The following SHROOM3 variants were observed in gnomAD, a reference collection of about 807,000 sequenced individuals.
SHROOM3 encodes the protein protein Shroom3.
A neutral mutation model predicts 138.6 loss-of-function variants in SHROOM3; 47 were observed. That is an observed-to-expected ratio of 0.34 (90% CI 0.27 to 0.43). SHROOM3 has a LOEUF of 0.43. SHROOM3 is among the 20% of genes least tolerant of loss of function. SHROOM3 has a pLI of 1.00. For missense variants in SHROOM3, 2,491 were observed against 2,596.5 expected, an observed-to-expected ratio of 0.96 and a Z score of 0.88; for synonymous variants, 1,062 against 1,063.3, an observed-to-expected ratio of 1.00 and a Z score of 0.02.
intron 1 of SHROOM3, among the ~76,000 whole-genome samples, chr4:76,518,435 G>C (rs528579759): frequency 6.6e-6 from 1 of 151,912 alleles, no homozygotes; most frequent in Non-Finnish European, 1.5e-5. Flanking sequence ...TAATGGACAG[G>C]GTTTTATTTC....
rs75526884 is a variant in SHROOM3 at position 76,652,405 on chromosome 4, C to T, written c.324-57751C>T. On this transcript the variant is annotated intron_variant, in intron 2 of 10. Transcript: ENST00000296043. ...TGGTGGCGGCTTTAGAACTTGTGTC[C>T]TGATTCTGATGTCTCTAGGCAGCCT... Among the ~76,000 whole-genome samples, 1,159 of 152,212 alleles carry T rather than the reference C, an allele frequency of 7.6e-3. 10 individuals are homozygous for T. The highest frequency in any genetic ancestry group is 0.023 in the African/African-American group (964 of 41,546).
intron 2 of SHROOM3, among the ~76,000 whole-genome samples, chr4:76,702,599 T>A (rs1422288104): frequency 6.6e-6 from 1 of 152,208 alleles, no homozygotes; most frequent in Non-Finnish European, 1.5e-5. Context: ...CCCAGGCAGC[T>A]GGCTCCGGAA....
At chr4:76,608,626 TATAGC>T (rs1303852174) in intron 2 of SHROOM3, among the ~76,000 whole-genome samples, 43 of 100,890 alleles carry the variant, frequency 4.3e-4, no homozygotes, top group African/African-American at 1.8e-3. Context: ...ACAGAGATGG[TATAGC>T]ATAGCATAGC....
chr4:76,465,277 A>C (rs1001519478), intron 1 of SHROOM3, among the ~76,000 whole-genome samples: 1 of 152,192 alleles, frequency 6.6e-6, no homozygotes, highest in Non-Finnish European at 1.5e-5. Context: ...CACTGCTCAG[A>C]TGTTACTTCA....
rs200426212 is a variant in SHROOM3 at position 76,710,294 on chromosome 4, C to T, written c.455+7C>T. The stretch of plus-strand genomic sequence containing the variant: ...AACTTCGGCTGAAGCACAGGTAAGA[C>T]GCACGGAAGTTGGTGCTGGCAGTTC... On this transcript the variant is annotated splice_region_variant and intron_variant, in intron 3 of 10. Coordinates refer to ENST00000296043, the MANE Select transcript of SHROOM3 (RefSeq NM_020859.4). The T allele has an allele frequency of 8.2e-5, 133 of 1,613,742 alleles. No individual in the cohort carries two copies. Among genetic ancestry groups the T allele is most frequent in the Non-Finnish European group, 9.7e-5 (115 of 1,179,860 alleles).
chr4:76,747,035 A>G (rs1721462120), intron 5 of SHROOM3, among the ~76,000 whole-genome samples: 1 of 151,820 alleles, frequency 6.6e-6, no homozygotes, highest in Non-Finnish European at 1.5e-5. Flanking sequence ...AGCCAGGATG[A>G]TCTCGATCTC....
intron 2 of SHROOM3, among the ~76,000 whole-genome samples, chr4:76,562,606 G>A (rs967396736): frequency 5.9e-5 from 9 of 152,172 alleles, no homozygotes; most frequent in Non-Finnish European, 1.2e-4. Flanking sequence ...CATGGTTACA[G>A]TTTATAAAAG....
intron 2 of SHROOM3, among the ~76,000 whole-genome samples, chr4:76,686,051 A>G (rs1317551837): frequency 1.3e-5 from 2 of 152,168 alleles, no homozygotes; most frequent in African/African-American, 4.8e-5. Context: ...TCTGTTGCTC[A>G]CACTGGAGTG....
chr4:76,714,828 A>T (rs1720326350), intron 3 of SHROOM3, among the ~76,000 whole-genome samples: 1 of 151,726 alleles, frequency 6.6e-6, no homozygotes, highest in African/African-American at 2.4e-5. Flanking sequence ...GTCAGTAAGG[A>T]CTCTTCCATA....
At chr4:76,620,862 CTT>C (rs1404413281) in intron 2 of SHROOM3, among the ~76,000 whole-genome samples, 4 of 152,120 alleles carry the variant, frequency 2.6e-5, no homozygotes, top group Non-Finnish European at 4.4e-5. Flanking sequence ...TTTAATGACT[CTT>C]TTAAATCATT....
chr4:76,490,812 A>G (rs1731833816), intron 1 of SHROOM3, among the ~76,000 whole-genome samples: 1 of 152,222 alleles, frequency 6.6e-6, no homozygotes, highest in African/African-American at 2.4e-5. Flanking sequence ...CAACTTATTG[A>G]CACCATGTGT....
intron 6 of SHROOM3, among the ~76,000 whole-genome samples, chr4:76,753,909 T>C (rs1721715147): frequency 6.6e-6 from 1 of 152,210 alleles, no homozygotes; most frequent in Non-Finnish European, 1.5e-5. Context: ...GAAGGCAGCA[T>C]TATTTTTCCC....
At position 76,779,267 on chromosome 4, in the gene SHROOM3, T is replaced by C; in HGVS notation, c.*90T>C. The C allele has an allele frequency of 1.3e-6, 2 of 1,481,726 alleles. No homozygotes were observed. Among genetic ancestry groups the C allele is most frequent in the Non-Finnish European group, 1.8e-6 (2 of 1,112,522 alleles). The allele number at this position is 1,481,726 out of a possible 1,614,324, so 91.8% of individuals were successfully genotyped here. Reference sequence around the variant, plus strand: ...TTTCAGTACAAACCACTGTTTGAACTATCTGGGTTATTGGTGTTTGTTCCT... The same window carrying C: ...TTTCAGTACAAACCACTGTTTGAACCATCTGGGTTATTGGTGTTTGTTCCT... On this transcript the variant is annotated 3_prime_UTR_variant, in exon 11 of 11. Coordinates refer to ENST00000296043, the MANE Select transcript of SHROOM3 (RefSeq NM_020859.4).
At chr4:76,503,289 C>A (rs373433701) in intron 1 of SHROOM3, among the ~76,000 whole-genome samples, 2 of 151,826 alleles carry the variant, frequency 1.3e-5, no homozygotes, top group East Asian at 1.9e-4. Flanking sequence ...ATGTTTAGGT[C>A]TTCTTTAATT....
At position 76,759,686 on chromosome 4, in the gene SHROOM3, T is replaced by C; in HGVS notation, c.5340T>C (p.Asn1780=). The C allele has an allele frequency of 1.2e-6, 2 of 1,613,966 alleles. No homozygotes were observed. Among genetic ancestry groups the C allele is most frequent in the Non-Finnish European group, 1.7e-6 (2 of 1,179,940 alleles). Residue 1780 remains asparagine (N), a synonymous_variant, in exon 9 of 11, where the codon AAT becomes AAC. Coordinates refer to ENST00000296043, the MANE Select transcript of SHROOM3 (RefSeq NM_020859.4). ...VNEEEEQADV[N]EKKAELIGSL... Reference sequence around the variant, plus strand: ...AGGAAGAGGAACAGGCAGATGTCAATGAAAAGAAGGTAAATAAAGAATGGG... The same window carrying C: ...AGGAAGAGGAACAGGCAGATGTCAACGAAAAGAAGGTAAATAAAGAATGGG...
chr4:76,705,709 A>G (rs147860918), intron 2 of SHROOM3, among the ~76,000 whole-genome samples: 24 of 152,276 alleles, frequency 1.6e-4, no homozygotes, highest in African/African-American at 5.5e-4. Flanking sequence ...AAACTTTCTC[A>G]GGTCAGCTTT....
intron 4 of SHROOM3, among the ~76,000 whole-genome samples, chr4:76,733,126 A>G (rs1271143849): frequency 6.6e-6 from 1 of 152,164 alleles, no homozygotes; most frequent in African/African-American, 2.4e-5. Flanking sequence ...CCAAAGCCAC[A>G]CTGTGACTTA....
rs145133825 is a variant in SHROOM3, at chr4:76,521,813, G to T, written c.169-33796G>T. ...AATGTTCACAGGCCCATTAAGTACT[G>T]GGAATACAAAAAAACATAATCCTCT... is the stretch of plus-strand genomic sequence containing the variant. On this transcript the variant is annotated intron_variant, in intron 1 of 10. Transcript: ENST00000296043. Among the ~76,000 whole-genome samples the T allele has an allele frequency of 2.6e-5, 4 of 152,116 alleles. No individual in the cohort carries two copies. In the East Asian group the frequency reaches 7.7e-4, roughly 29 times the overall value.
intron 6 of SHROOM3, among the ~76,000 whole-genome samples, chr4:76,751,624 A>G (rs1002399503): frequency 6.6e-6 from 1 of 152,202 alleles, no homozygotes; most frequent in Non-Finnish European, 1.5e-5. Flanking sequence ...AATTTCAAAC[A>G]TAAAAATTTA....
Sources: gnomAD v4.1 joint callset for allele counts (sites outside exome capture counted in the v4.1 genomes callset) on GRCh38, gnomAD v4.1.1 for gene constraint, MANE v1.5 for transcripts, NCBI Gene and HGNC (gene_info 2026-07-23, HGNC 2026-07-21) for gene names.